Variants in IQCM observed in about 807,000 individuals in gnomAD.
IQCM encodes IQ motif containing M.
IQCM carries 45 observed loss-of-function variants against 57.6 expected under a neutral mutation model. The observed-to-expected ratio is 0.78, with a 90% CI of 0.62 to 1.00. The LOEUF (loss-of-function observed/expected upper bound fraction) is 1.00. Among genes scored for constraint, IQCM ranks in the 50% least tolerant of loss-of-function variants. The probability of loss-of-function intolerance (pLI) is 0.00; values close to 1 mark genes in which losing one functional copy is unlikely to be tolerated. For synonymous variants in IQCM, 148 were observed against 158.9 expected (o/e 0.93, Z 0.51); for missense variants, 468 against 511.6 (o/e 0.91, Z 0.82).
chr4:149,728,526 TG>T (rs1766168712), intron 5 of IQCM, among the ~76,000 whole-genome samples: 1 of 152,216 alleles, frequency 6.6e-6, no homozygotes, highest in Admixed American at 6.5e-5. Context: ...CTATTACCAC[TG>T]TTTAATTATT....
intron 5 of IQCM, among the ~76,000 whole-genome samples, chr4:149,687,108 A>C (rs1428809858): frequency 6.6e-6 from 1 of 151,668 alleles, no homozygotes; most frequent in East Asian, 1.9e-4. Flanking sequence ...ACTATTGAGC[A>C]CCTTCTAGCT....
At chr4:149,751,903 C>T (rs1304474773) in intron 2 of IQCM, among the ~76,000 whole-genome samples, 3 of 151,952 alleles carry the variant, frequency 2.0e-5, no homozygotes, top group South Asian at 4.2e-4. Context: ...AGGCCATATT[C>T]GTCAACATCA....
intron 7 of IQCM, among the ~76,000 whole-genome samples, chr4:149,625,442 G>C (rs925636576): frequency 2.0e-5 from 3 of 152,214 alleles, no homozygotes; most frequent in African/African-American, 2.4e-5. Context: ...CAAGAGAAAA[G>C]TATAACAAGC....
intron 13 of IQCM, among the ~76,000 whole-genome samples, chr4:149,356,386 T>C (rs961548620): frequency 1.3e-5 from 2 of 152,130 alleles, no homozygotes; most frequent in African/African-American, 2.4e-5. Context: ...AGGTCTAACA[T>C]TTAAGTCTTT....
At chr4:149,540,572 T>C (rs1343517559) in intron 12 of IQCM, among the ~76,000 whole-genome samples, 1 of 151,978 alleles carries the variant, frequency 6.6e-6, no homozygotes, top group African/African-American at 2.4e-5. Context: ...AAAAGTCAAA[T>C]TGCCTGAAAT....
chr4:149,687,471 TAG>T (rs1408695379), intron 5 of IQCM, among the ~76,000 whole-genome samples: 3 of 151,610 alleles, frequency 2.0e-5, no homozygotes, highest in African/African-American at 7.3e-5. Context: ...GCTATTTGCA[TAG>T]AGTTTGCATA....
At position 149,757,064 on chromosome 4, in the gene IQCM, C is replaced by T. The variant is rs185928768; in HGVS notation, c.-48-14325G>A. Among the ~76,000 whole-genome samples, 1,466 of 152,220 alleles carry T rather than the reference C, an allele frequency of 9.6e-3. 10 individuals are homozygous for T. Among genetic ancestry groups the T allele is most frequent in the Non-Finnish European group, 0.016 (1,090 of 68,002 alleles). ...ACGAGGTCAGGAGATCCAGACCATC[C>T]TGGCTAACACAGTGAAACCCCATCT... On this transcript the variant is annotated intron_variant, in intron 2 of 13. Transcript: ENST00000636793.
intron 7 of IQCM, among the ~76,000 whole-genome samples, chr4:149,651,228 G>A (rs907550073): frequency 6.6e-5 from 10 of 152,134 alleles, no homozygotes; most frequent in African/African-American, 2.4e-4. Flanking sequence ...GAGAAAAAGG[G>A]AGATAAAGTG....
In IQCM at chr4:149,739,294, G is replaced by A. The variant is rs565121083; in HGVS notation, c.37+3361C>T. Among the ~76,000 whole-genome samples the A allele has an allele frequency of 2.6e-3, 402 of 151,968 alleles. 1 individual carries two copies. The highest frequency in any genetic ancestry group is 2.0e-3 in the Non-Finnish European group (134 of 67,964). ...CTTATTTTTCTTATTTGTAAACAGA[G>A]GATAATAATAATATATGTCACAGAG... On this transcript the variant is annotated intron_variant, in intron 3 of 13. Transcript: ENST00000636793.
intron 12 of IQCM, among the ~76,000 whole-genome samples, chr4:149,484,940 C>T (rs1416363517): frequency 6.6e-6 from 1 of 151,946 alleles, no homozygotes; most frequent in Non-Finnish European, 1.5e-5. Context: ...TTCTTCATGC[C>T]TGAAGGATAT....
chr4:149,700,533 T>G (rs931288623), intron 5 of IQCM, among the ~76,000 whole-genome samples: 3 of 152,006 alleles, frequency 2.0e-5, no homozygotes, highest in African/African-American at 7.2e-5. Context: ...AGCACCTACC[T>G]CTAGTGGTAA....
At chr4:149,531,767 A>G (rs984975785) in intron 12 of IQCM, among the ~76,000 whole-genome samples, 1 of 152,120 alleles carries the variant, frequency 6.6e-6, no homozygotes. Flanking sequence ...AGGAGACTGC[A>G]TACTAGTTAC....
chr4:149,669,708 T>A (rs1381540016), intron 7 of IQCM, among the ~76,000 whole-genome samples: 1 of 152,198 alleles, frequency 6.6e-6, no homozygotes, highest in South Asian at 2.1e-4. Flanking sequence ...TAGCCGGTTT[T>A]CCCAGCACCA....
intron 10 of IQCM, among the ~76,000 whole-genome samples, chr4:149,555,652 T>C (rs1749509822): frequency 6.6e-6 from 1 of 152,216 alleles, no homozygotes; most frequent in African/African-American, 2.4e-5. Flanking sequence ...TTCTGTACAA[T>C]ATCCTATTCA....
At chr4:149,543,528 G>A (rs1171252706) in intron 12 of IQCM, among the ~76,000 whole-genome samples, 1 of 143,820 alleles carries the variant, frequency 7.0e-6, no homozygotes, top group Non-Finnish European at 1.5e-5. Flanking sequence ...TCCCTACAAA[G>A]GACATGAACT....
intron 13 of IQCM, among the ~76,000 whole-genome samples, chr4:149,388,779 A>G (rs1731633095): frequency 6.8e-6 from 1 of 146,730 alleles, no homozygotes; most frequent in African/African-American, 2.5e-5. Flanking sequence ...ATATATACAC[A>G]CACACACACA....
chr4:149,421,298 TA>T (rs1458511365), intron 13 of IQCM, among the ~76,000 whole-genome samples: 23 of 152,106 alleles, frequency 1.5e-4, no homozygotes, highest in Non-Finnish European at 2.9e-4. Flanking sequence ...TAGAATCAAT[TA>T]TTTTTTGCAC....
chr4:149,465,626 A>T (rs879120120), intron 12 of IQCM, among the ~76,000 whole-genome samples: 1 of 152,196 alleles, frequency 6.6e-6, no homozygotes, highest in Admixed American at 6.5e-5. Flanking sequence ...GAGGGGAGAA[A>T]GAAAATATTT....
chr4:149,435,418 G>T (rs111465576), intron 12 of IQCM, among the ~76,000 whole-genome samples: 30 of 152,162 alleles, frequency 2.0e-4, no homozygotes, highest in African/African-American at 6.7e-4. Context: ...GATGATGCTG[G>T]TGTAAATAAT....
Sources: allele counts gnomAD v4.1 joint callset (sites outside exome capture counted in the v4.1 genomes callset), GRCh38; gene constraint gnomAD v4.1.1; transcripts MANE v1.5; gene names NCBI Gene and HGNC (gene_info 2026-07-23, HGNC 2026-07-21).